The following CYLD variants were observed in gnomAD, a reference collection of about 807,000 sequenced individuals.
CYLD encodes ubiquitin carboxyl-terminal hydrolase CYLD.
CYLD carries 26 observed loss-of-function variants against 104.5 expected under a neutral mutation model. The ratio of observed to expected loss-of-function variants is 0.25; its 90% CI spans 0.18 to 0.35. CYLD has a LOEUF of 0.35. Among genes scored for constraint, CYLD ranks in the 10% least tolerant of loss-of-function variants. The probability of loss-of-function intolerance (pLI) is 1.00; values close to 1 mark genes in which losing one functional copy is unlikely to be tolerated. For missense variants in CYLD, 703 were observed against 1,136.1 expected (o/e 0.62, Z 5.48); for synonymous variants, 385 against 399.9 (o/e 0.96, Z 0.45).
Position 50,754,377 on chromosome 16 carries a change from C to T in CYLD, c.866C>T (p.Ala289Val), listed in dbSNP as rs2150912283. The T allele has an allele frequency of 1.2e-6, 2 of 1,613,272 alleles. No homozygotes were observed. Among genetic ancestry groups the T allele is most frequent in the South Asian group, 1.1e-5 (1 of 91,042 alleles). ...GATGGAGTGCAGCTTTGTAGTTTTG[C>T]GTGTGTTGAAAGTACAATTCTATTG... is the stretch of plus-strand genomic sequence containing the variant. ...RFDGVQLCSF[A>V]CVESTILLHI... Residue 289 changes from alanine (A) to valine (V), a missense_variant, in exon 5 of 19, where the codon GCG (alanine) becomes GTG (valine). Around this residue, in one of 5 missense-constraint regions of CYLD, gnomAD observed 123 missense variants for 213.3 expected, o/e 0.58. Transcript: ENST00000427738.
chr16:50,795,851 C>T, intron 18 of CYLD: 1 of 529,940 alleles, frequency 1.9e-6, no homozygotes, highest in Non-Finnish European at 3.4e-6. Flanking sequence ...TTCATCAGGG[C>T]CTGGTGATGT....
At chr16:50,763,571 G>T (rs1344469806) in intron 5 of CYLD, among the ~76,000 whole-genome samples, 1 of 152,096 alleles carries the variant, frequency 6.6e-6, no homozygotes, top group Non-Finnish European at 1.5e-5. Context: ...ATCCTAGTGG[G>T]AATGAAGTCA....
intron 5 of CYLD, among the ~76,000 whole-genome samples, chr16:50,774,863 G>A (rs1248516021): frequency 6.6e-6 from 1 of 152,142 alleles, no homozygotes; most frequent in East Asian, 1.9e-4. Context: ...TTAGTACATA[G>A]CTTTTCTCTT....
At chr16:50,745,910 C>T (rs897044249) in intron 2 of CYLD, among the ~76,000 whole-genome samples, 1 of 152,160 alleles carries the variant, frequency 6.6e-6, no homozygotes, top group Admixed American at 6.5e-5. Context: ...TATGCACATC[C>T]CAGTGAAAGT....
chr16:50,779,322 T>C (rs1969984489), intron 8 of CYLD, among the ~76,000 whole-genome samples: 1 of 152,212 alleles, frequency 6.6e-6, no homozygotes, highest in Non-Finnish European at 1.5e-5. Context: ...TTTTGATCCA[T>C]TAGATATATA....
chr16:50,795,766 A>G, intron 18 of CYLD: 1 of 580,214 alleles, frequency 1.7e-6, no homozygotes, highest in Non-Finnish European at 3.1e-6. Flanking sequence ...ACACAACAGC[A>G]TAGGTTTGGA....
chr16:50,798,546 G>T lies in CYLD; in HGVS notation c.*2038G>T, dbSNP rs1972230687. The stretch of plus-strand genomic sequence containing the variant: ...ATCTTCAGATGTTGGTATCTGCAGG[G>T]ATCCTGGAACCAAACCCCTGCAGAT... On this transcript the variant is annotated 3_prime_UTR_variant, in exon 19 of 19. Transcript: ENST00000427738. The T allele has an allele frequency of 1.7e-5, 4 of 232,162 alleles. No homozygotes were observed. In the East Asian group the frequency reaches 2.4e-4, roughly 14 times the overall value. The allele number at this position is 232,162 out of a possible 1,614,324, so 14.4% of individuals were successfully genotyped here.
rs184569391 is a variant in CYLD at position 50,776,743 on chromosome 16, G to C, written c.1021+466G>C. On this transcript the variant is annotated intron_variant, in intron 7 of 18. Coordinates refer to ENST00000427738, the MANE Select transcript of CYLD (RefSeq NM_001378743.1). ...CCTCACAATATGTGTGGAGCTTACA[G>C]CTCTTTTTTTTGTTAGCTTCCACAT... Among the ~76,000 whole-genome samples the C allele has an allele frequency of 1.6e-4, 25 of 152,300 alleles. No individual in the cohort carries two copies. The East Asian group carries it at 4.6e-3, about 28-fold the overall frequency.
chr16:50,766,590 A>C (rs1968548735), intron 5 of CYLD, among the ~76,000 whole-genome samples: 2 of 152,360 alleles, frequency 1.3e-5, no homozygotes, highest in Non-Finnish European at 2.9e-5. Flanking sequence ...GGCAAAGTCA[A>C]TTGAAAACTG....
At chr16:50,792,198 G>T (rs1273620877) in intron 15 of CYLD, among the ~76,000 whole-genome samples, 1 of 151,988 alleles carries the variant, frequency 6.6e-6, no homozygotes, top group African/African-American at 2.4e-5. Context: ...AGTCATTTTT[G>T]GTAAAACCTT....
intron 8 of CYLD, chr16:50,778,400 G>C (rs1969893555): frequency 6.3e-6 from 1 of 158,766 alleles, no homozygotes; most frequent in African/African-American, 2.4e-5. Context: ...CATGCCCTTT[G>C]TGAGTTTGCA....
chr16:50,757,827 C>T (rs556637261), intron 5 of CYLD, among the ~76,000 whole-genome samples: 5 of 152,300 alleles, frequency 3.3e-5, no homozygotes, highest in East Asian at 1.9e-4. Context: ...TGAGCCACTG[C>T]GCCCGGCCTA....
intron 10 of CYLD, 76 bp from the exon 11 acceptor site, chr16:50,782,249 A>C: frequency 3.4e-6 from 4 of 1,172,762 alleles, no homozygotes; most frequent in Non-Finnish European, 4.7e-6. Flanking sequence ...AAAATGAAAA[A>C]ATATTTATGG....
intron 5 of CYLD, among the ~76,000 whole-genome samples, chr16:50,757,479 A>C (rs1005294687): frequency 1.3e-4 from 20 of 152,138 alleles, no homozygotes; most frequent in African/African-American, 4.1e-4. Flanking sequence ...AATGATTTAC[A>C]TTCAGGAAAA....
intron 2 of CYLD, among the ~76,000 whole-genome samples, chr16:50,747,226 G>T (rs960096494): frequency 6.6e-6 from 1 of 152,036 alleles, no homozygotes; most frequent in African/African-American, 2.4e-5. Context: ...CTCTTTTCAC[G>T]ATTGTTGCTT....
At chr16:50,747,184 C>T (rs139796664) in intron 2 of CYLD, among the ~76,000 whole-genome samples, 137 of 152,312 alleles carry the variant, frequency 9.0e-4, no homozygotes, top group African/African-American at 3.2e-3. Context: ...GTGCCCTTTG[C>T]TCCTAAAGAC....
chr16:50,779,824 T>C lies in CYLD; in HGVS notation c.1298T>C (p.Ile433Thr). 1 of 1,613,610 alleles carries C rather than the reference T, an allele frequency of 6.2e-7. No homozygotes were observed. Among genetic ancestry groups the C allele is most frequent in the African/African-American group, 1.3e-5 (1 of 74,860 alleles). ...AAGATGCCCAATACCAATGGAAGTA[T>C]TGGCCACAGTCCACTTTCTCTGTCA... ...LTKMPNTNGS[I>T]GHSPLSLSAQ... Residue 433 changes from isoleucine to threonine, a missense_variant, in exon 9 of 19, where the codon ATT becomes ACT. Coordinates refer to ENST00000427738, the MANE Select transcript of CYLD (RefSeq NM_001378743.1).
chr16:50,770,188 T>C (rs1436243621), intron 5 of CYLD, among the ~76,000 whole-genome samples: 2 of 152,220 alleles, frequency 1.3e-5, no homozygotes, highest in East Asian at 1.9e-4. Context: ...TCGGTGATAT[T>C]TGCAAATTTA....
chr16:50,787,259 A>G (rs1456661486), intron 13 of CYLD: 2 of 341,192 alleles, frequency 5.9e-6, no homozygotes, highest in African/African-American at 2.1e-5. Flanking sequence ...GCAGAGTTGC[A>G]TTGGGTTTTC....
Sources: gnomAD v4.1 joint callset for allele counts (sites outside exome capture counted in the v4.1 genomes callset) on GRCh38, gnomAD v4.1.1 for gene constraint, gnomAD v4.1.1 regional missense constraint, MANE v1.5 for transcripts, NCBI Gene and HGNC (gene_info 2026-07-23, HGNC 2026-07-21) for gene names.